Variants in PPARA observed in about 807,000 individuals in gnomAD.
The protein encoded by PPARA is peroxisome proliferator activated receptor alpha.
A neutral mutation model predicts 42.2 loss-of-function variants in PPARA; 22 were observed. The observed-to-expected ratio is 0.52, with a 90% CI of 0.37 to 0.74. PPARA has a LOEUF of 0.74. PPARA is among the 30% of genes least tolerant of loss of function. The pLI is 0.00. For missense variants in PPARA, 465 were observed against 608.2 expected, an observed-to-expected ratio of 0.76 and a Z score of 2.48; for synonymous variants, 242 against 239.3, an observed-to-expected ratio of 1.01 and a Z score of -0.10.
At chr22:46,179,338 A>T (rs1191504139) in intron 3 of PPARA, among the ~76,000 whole-genome samples, 1 of 152,240 alleles carries the variant, frequency 6.6e-6, no homozygotes, top group African/African-American at 2.4e-5. Flanking sequence ...TATTAACAGG[A>T]TGAAAAAGAA....
chr22:46,161,959 C>T lies in PPARA; in HGVS notation c.-127+9989C>T, dbSNP rs1357196565. Among the ~76,000 whole-genome samples the T allele has an allele frequency of 6.6e-6, 1 of 152,148 alleles. No individual in the cohort carries two copies. Among genetic ancestry groups the T allele is most frequent in the Non-Finnish European group, 1.5e-5 (1 of 68,024 alleles). On this transcript the variant is annotated intron_variant, in intron 2 of 8. Transcript: ENST00000407236. The surrounding 1 kb of genome is among the most constrained non-coding windows in gnomAD (Gnocchi z 4.8). ...GATGTCACCTGGGCCCTCCCGGAGG[C>T]CCTCGCCCTCAGTGTGTCTGATTCT...
chr22:46,219,308 G>A lies in PPARA; in HGVS notation c.509-504G>A, dbSNP rs1056177195. 2.6e-5 allele frequency among the ~76,000 whole-genome samples: 4 copies of A among 152,146 alleles called. No individual in the cohort carries two copies. The highest frequency in any genetic ancestry group is 4.4e-5 in the Non-Finnish European group (3 of 68,032). ...ACCAAAATGACAGAATGTTCACCTC[G>A]TCCATAGGAAGGGTGTACCACCTCA... On this transcript the variant is annotated intron_variant, in intron 6 of 8. Coordinates refer to ENST00000407236, the MANE Select transcript of PPARA (RefSeq NM_005036.6). This position sits in a 1 kb window ranked among gnomAD's most constrained non-coding sequence, Gnocchi z 4.8.
At chr22:46,199,105 ACAT>A (rs2147392471) in intron 4 of PPARA, among the ~76,000 whole-genome samples, 1 of 152,326 alleles carries the variant, frequency 6.6e-6, no homozygotes, top group East Asian at 1.9e-4. Flanking sequence ...AGCCATGCAC[ACAT>A]CAAACAGTGC....
intron 7 of PPARA, among the ~76,000 whole-genome samples, chr22:46,223,426 T>C (rs1935151325): frequency 6.6e-6 from 1 of 152,024 alleles, no homozygotes; most frequent in South Asian, 2.1e-4. Flanking sequence ...GTGGATCACC[T>C]GAGGTCAGGA....
intron 4 of PPARA, among the ~76,000 whole-genome samples, chr22:46,210,501 G>T (rs1288212304): frequency 6.6e-6 from 1 of 150,946 alleles, no homozygotes; most frequent in Non-Finnish European, 1.5e-5. Context: ...GTAGTGCGAT[G>T]GCACAATCTT....
At chr22:46,154,027 T>C (rs760847864) in intron 2 of PPARA, among the ~76,000 whole-genome samples, 1 of 152,178 alleles carries the variant, frequency 6.6e-6, no homozygotes, top group Non-Finnish European at 1.5e-5. Flanking sequence ...TAATATCCCA[T>C]TGTGTTTAGA....
rs370737059 is a variant in PPARA, at chr22:46,234,488, G to A, written c.1160-645G>A. On this transcript the variant is annotated intron_variant, in intron 8 of 8. Transcript: ENST00000407236. This position sits in a 1 kb window ranked among gnomAD's most constrained non-coding sequence, Gnocchi z 5.8. ...GTCTAGTGCCAGCTACCCCAGGCAG[G>A]TCATCTGGTGTGAATGTTGACTCTT... Among the ~76,000 whole-genome samples, 1 of 152,046 alleles carries A rather than the reference G, an allele frequency of 6.6e-6. No homozygotes were observed. The highest frequency in any genetic ancestry group is 1.9e-4 in the East Asian group (1 of 5,170).
chr22:46,228,692 T>C (rs1439306131), intron 7 of PPARA, among the ~76,000 whole-genome samples: 1 of 152,226 alleles, frequency 6.6e-6, no homozygotes, highest in Admixed American at 6.5e-5. Flanking sequence ...CCCCTGCTTA[T>C]CCTAGCCTCA....
At chr22:46,174,245 A>AGAAGGAAGGAAG (rs1569196799) in intron 2 of PPARA, among the ~76,000 whole-genome samples, 1 of 976 alleles carries the variant, frequency 1.0e-3, no homozygotes, top group African/African-American at 4.0e-3. Flanking sequence ...AGAGAAAGAA[A>AGAAGGAAGGAAG]GAAAGAAGGA....
intron 6 of PPARA, among the ~76,000 whole-genome samples, chr22:46,218,829 G>A (rs1266870609): frequency 3.9e-5 from 5 of 128,898 alleles, no homozygotes; most frequent in East Asian, 2.2e-4. Context: ...GGGAGATTCC[G>A]TCTCACAAAA....
chr22:46,213,750 G>A (rs1379514038), intron 4 of PPARA, among the ~76,000 whole-genome samples: 5 of 151,962 alleles, frequency 3.3e-5, no homozygotes, highest in South Asian at 2.1e-4. Flanking sequence ...CACCACGCCC[G>A]GCTAATTTTT....
rs1217225102 is a variant in PPARA at position 46,232,473 on chromosome 22, G to A, written c.1159+234G>A. 6.6e-6 allele frequency among the ~76,000 whole-genome samples: 1 copy of A among 151,724 alleles called. No individual in the cohort carries two copies. The highest frequency in any genetic ancestry group is 1.9e-4 in the East Asian group (1 of 5,190). On this transcript the variant is annotated intron_variant, in intron 8 of 8. Transcript: ENST00000407236. This position sits in a 1 kb window ranked among gnomAD's most constrained non-coding sequence, Gnocchi z 5.3. ...TCTATAAATACATATTTAATATTAT[G>A]TAAATGTATGACATTTTAATCATAA...
chr22:46,185,960 T>TACACAC (rs1379937794), intron 3 of PPARA, among the ~76,000 whole-genome samples: 15 of 42,930 alleles, frequency 3.5e-4, no homozygotes, highest in African/African-American at 1.2e-3. Flanking sequence ...TATATATATA[T>TACACAC]ATATACACAC....
rs940401985 is a variant in PPARA at position 46,156,997 on chromosome 22, G to C, written c.-127+5027G>C. ...CAACTCCATGGCATACCTGGACCAG[G>C]CCTCTTCATCTTGAAGAGGGATCTG... is the stretch of plus-strand genomic sequence containing the variant. On this transcript the variant is annotated intron_variant, in intron 2 of 8. Coordinates refer to ENST00000407236, the MANE Select transcript of PPARA (RefSeq NM_005036.6). The surrounding 1 kb of genome is among the most constrained non-coding windows in gnomAD (Gnocchi z 5.2). Among the ~76,000 whole-genome samples the C allele has an allele frequency of 6.6e-6, 1 of 152,102 alleles. No homozygotes were observed. The highest frequency in any genetic ancestry group is 1.5e-5 in the Non-Finnish European group (1 of 68,018).
Position 46,204,153 on chromosome 22 carries a change from G to A in PPARA, c.208+5562G>A, listed in dbSNP as rs1330055813. ...GCTGGCTTCTTTCACTCTGCAGAAT[G>A]GCTGTGAGACTCATCTGCATTGCAG... On this transcript the variant is annotated intron_variant, in intron 4 of 8. Coordinates refer to ENST00000407236, the MANE Select transcript of PPARA (RefSeq NM_005036.6). This position sits in a 1 kb window ranked among gnomAD's most constrained non-coding sequence, Gnocchi z 5.2. 6.6e-6 allele frequency among the ~76,000 whole-genome samples: 1 copy of A among 152,250 alleles called. No individual in the cohort carries two copies. The highest frequency in any genetic ancestry group is 2.4e-5 in the African/African-American group (1 of 41,466).
rs1333322527 is a variant in PPARA, at chr22:46,225,177, G to T, written c.711+5163G>T. 6.6e-6 allele frequency among the ~76,000 whole-genome samples: 1 copy of T among 152,146 alleles called. No individual in the cohort carries two copies. The highest frequency in any genetic ancestry group is 6.5e-5 in the Admixed American group (1 of 15,280). On this transcript the variant is annotated intron_variant, in intron 7 of 8. Coordinates refer to ENST00000407236, the MANE Select transcript of PPARA (RefSeq NM_005036.6). This position sits in a 1 kb window ranked among gnomAD's most constrained non-coding sequence, Gnocchi z 4.1. ...AGTGAGGGGTGGATGGAGAATGTCT[G>T]TGTCCATCTGGACACTGGGACTGTT...
intron 4 of PPARA, among the ~76,000 whole-genome samples, chr22:46,206,405 G>A (rs1003210701): frequency 1.7e-4 from 26 of 152,116 alleles, no homozygotes; most frequent in Non-Finnish European, 2.6e-4. Flanking sequence ...GTGAGCCACC[G>A]CACCCAGCCT....
In PPARA at chr22:46,234,868, C is replaced by T. The variant is rs1434892038; in HGVS notation, c.1160-265C>T. Among the ~76,000 whole-genome samples the T allele has an allele frequency of 6.6e-6, 1 of 152,120 alleles. No homozygotes were observed. Among genetic ancestry groups the T allele is most frequent in the Non-Finnish European group, 1.5e-5 (1 of 68,036 alleles). On this transcript the variant is annotated intron_variant, in intron 8 of 8. Transcript: ENST00000407236. The surrounding 1 kb of genome is among the most constrained non-coding windows in gnomAD (Gnocchi z 5.8). ...TCAGGTAAATCACAAGTGAAAAGGC[C>T]GCACCATAAGGTGTACTTAGGGCAC...
rs1932987924 is a variant in PPARA, at chr22:46,203,862, A to C, written c.208+5271A>C. Among the ~76,000 whole-genome samples the C allele has an allele frequency of 6.6e-6, 1 of 152,154 alleles. No individual in the cohort carries two copies. The highest frequency in any genetic ancestry group is 1.5e-5 in the Non-Finnish European group (1 of 68,016). ...CCTGGGCAGGTTCCCTCATCTACAC[A>C]AAAGCACCTGAGGTAAACACTTGTG... is the stretch of plus-strand genomic sequence containing the variant. On this transcript the variant is annotated intron_variant, in intron 4 of 8. Coordinates refer to ENST00000407236, the MANE Select transcript of PPARA (RefSeq NM_005036.6). The surrounding 1 kb of genome is among the most constrained non-coding windows in gnomAD (Gnocchi z 5.8).
Sources: gnomAD v4.1 joint callset for allele counts (sites outside exome capture counted in the v4.1 genomes callset) on GRCh38, gnomAD v4.1.1 for gene constraint, Gnocchi (gnomAD v3.1) non-coding constraint, MANE v1.5 for transcripts, NCBI Gene and HGNC (gene_info 2026-07-23, HGNC 2026-07-21) for gene names.